Variants in SDK1 observed in about 807,000 individuals in gnomAD.
SDK1 encodes the protein protein sidekick-1.
Under a neutral mutation model 245.5 loss-of-function variants are expected in SDK1, and 157 were observed. That is an observed-to-expected ratio of 0.64 (90% CI 0.56 to 0.73). The LOEUF (loss-of-function observed/expected upper bound fraction) is 0.73, where lower values mean the gene tolerates loss of function less well. Among genes scored for constraint, SDK1 ranks in the 30% least tolerant of loss-of-function variants. SDK1 has a pLI of 0.00. For missense variants in SDK1, 3,583 were observed against 3,002.3 expected, an observed-to-expected ratio of 1.19 and a Z score of -4.52; for synonymous variants, 1,647 against 1,278.5, an observed-to-expected ratio of 1.29 and a Z score of -6.15.
chr7:4,166,927 T>C (rs1304373244), intron 32 of SDK1, among the ~76,000 whole-genome samples: 3 of 152,168 alleles, frequency 2.0e-5, no homozygotes, highest in Non-Finnish European at 4.4e-5. Context: ...TTCAGGCAGC[T>C]GGAAGGAGAG....
At chr7:3,475,314 C>T (rs1012166589) in intron 1 of SDK1, among the ~76,000 whole-genome samples, 3 of 152,100 alleles carry the variant, frequency 2.0e-5, no homozygotes, top group African/African-American at 7.2e-5. Context: ...CTCTGGAGCC[C>T]TCCCCAGCCC....
chr7:4,113,230 C>T (rs552069584), intron 23 of SDK1, 59 bp from the exon 24 acceptor site: 33 of 1,566,476 alleles, frequency 2.1e-5, no homozygotes, highest in African/African-American at 5.4e-5. Context: ...TTTGTGGTTT[C>T]GTTCTTTTCC....
chr7:4,073,660 G>A (rs1190928235), intron 20 of SDK1, among the ~76,000 whole-genome samples: 6 of 152,280 alleles, frequency 3.9e-5, no homozygotes, highest in South Asian at 2.1e-4. Context: ...ATTATTTAGC[G>A]ATTGACCAGG....
intron 1 of SDK1, among the ~76,000 whole-genome samples, chr7:3,512,194 T>C (rs1225206438): frequency 6.6e-6 from 1 of 152,158 alleles, no homozygotes; most frequent in Non-Finnish European, 1.5e-5. Context: ...CAGAATGTCG[T>C]ATCATTGGGA....
At chr7:4,174,489 CAG>C in intron 33 of SDK1, 132 bp downstream of exon 33, 1 of 1,061,690 alleles carries the variant, frequency 9.4e-7, no homozygotes, top group South Asian at 1.5e-5. Flanking sequence ...CCCTCAGGAA[CAG>C]GGAGCAGGCG....
chr7:4,240,076 A>G (rs1177387534), intron 42 of SDK1, among the ~76,000 whole-genome samples: 1 of 152,218 alleles, frequency 6.6e-6, no homozygotes, highest in Admixed American at 6.5e-5. Flanking sequence ...GTGTTCGTAA[A>G]TCAGATTTTA....
rs3801062 is a variant in SDK1 at position 4,268,392 on chromosome 7, C to G, written c.*3008C>G. On this transcript the variant is annotated 3_prime_UTR_variant, in exon 45 of 45. Coordinates refer to ENST00000404826, the MANE Select transcript of SDK1 (RefSeq NM_152744.4). ...CTGCACGGCCACCTTCTGGGTGAATCGGTCCAGCCCAAGCCCCTCTCCCCA... is the reference window on the plus strand; with the variant it reads ...CTGCACGGCCACCTTCTGGGTGAATGGGTCCAGCCCAAGCCCCTCTCCCCA... 2.2e-4 allele frequency: 238 copies of G among 1,070,180 alleles called. 1 individual carries two copies. In the East Asian group the frequency reaches 0.015, roughly 68 times the overall value. 66.3% of individuals were successfully genotyped at this position (1,070,180 alleles called of 1,614,324 possible). A position where few individuals can be genotyped will look rare whatever the true frequency, so the allele number is the denominator to read the frequency against.
At chr7:3,456,286 T>C (rs911020947) in intron 1 of SDK1, among the ~76,000 whole-genome samples, 1 of 152,350 alleles carries the variant, frequency 6.6e-6, no homozygotes, top group South Asian at 2.1e-4. Context: ...TTAGCCATCA[T>C]TTCTTTAAAT....
At chr7:4,090,329 A>G (rs940639785) in intron 22 of SDK1, among the ~76,000 whole-genome samples, 19 of 152,224 alleles carry the variant, frequency 1.2e-4, no homozygotes, top group African/African-American at 4.3e-4. Flanking sequence ...AATTAGGGCA[A>G]TGAGGGCACC....
In SDK1 at chr7:3,347,530, T is replaced by G. The variant is rs1780541958; in HGVS notation, c.298+45646T>G. ...TTGGGCTCAAATGTGCCGTTGAAGG[T>G]GATTTTCTGTTCCTAGATATTTTCA... On this transcript the variant is annotated intron_variant, in intron 1 of 44. Transcript: ENST00000404826. Among the ~76,000 whole-genome samples, 3 of 152,114 alleles carry G rather than the reference T, an allele frequency of 2.0e-5. No homozygotes were observed. In the South Asian group the frequency reaches 6.2e-4, roughly 32 times the overall value.
chr7:3,936,566 C>G (rs1780167190), intron 5 of SDK1, among the ~76,000 whole-genome samples: 1 of 144,378 alleles, frequency 6.9e-6, no homozygotes, highest in Non-Finnish European at 1.5e-5. Flanking sequence ...GCCTGTGTGA[C>G]AGAGCAAGAC....
At position 3,863,979 on chromosome 7, in the gene SDK1, C is replaced by T. The variant is rs180871963; in HGVS notation, c.847+42396C>T. 3.1e-3 allele frequency among the ~76,000 whole-genome samples: 469 copies of T among 152,208 alleles called. 4 individuals are homozygous for T. Among genetic ancestry groups the T allele is most frequent in the African/African-American group, 0.011 (449 of 41,536 alleles). ...GGAATTGCTGGGTTGCATGGTAAGT[C>T]GATGTTTAGCTTTTTGGGGACACAT... On this transcript the variant is annotated intron_variant, in intron 5 of 44. Transcript: ENST00000404826.
chr7:3,385,626 C>G (rs745431173), intron 1 of SDK1, among the ~76,000 whole-genome samples: 9 of 152,112 alleles, frequency 5.9e-5, no homozygotes, highest in Non-Finnish European at 1.2e-4. Context: ...TATTTCAGCT[C>G]TCAGTCAACC....
At chr7:3,558,221 T>C (rs1261708542) in intron 1 of SDK1, among the ~76,000 whole-genome samples, 1 of 152,286 alleles carries the variant, frequency 6.6e-6, no homozygotes, top group African/African-American at 2.4e-5. Context: ...TTGAGCAAAA[T>C]GGGAGATTTC....
Position 4,265,239 on chromosome 7 carries a change from C to T in SDK1, c.6497C>T (p.Ala2166Val), listed in dbSNP as rs758856412. The T allele has an allele frequency of 1.0e-5, 16 of 1,607,390 alleles. No individual in the cohort carries two copies. Among genetic ancestry groups the T allele is most frequent in the East Asian group, 8.9e-5 (4 of 44,818 alleles). The stretch of plus-strand genomic sequence containing the variant: ...CGCAGGGCCCAGGGCCGCGCACCTG[C>T]GCCGCACAGGTACGAGGCGGTGGCG... ...WKRRAQGRAP[A>V]PHRYEAVAGS... The change falls in exon 45 of 45, where the codon GCG becomes GTG. Residue 2166 changes from alanine (A) to valine (V), a missense_variant. Transcript: ENST00000404826.
intron 1 of SDK1, among the ~76,000 whole-genome samples, chr7:3,608,551 C>A (rs1781493177): frequency 6.6e-6 from 1 of 152,086 alleles, no homozygotes; most frequent in African/African-American, 2.4e-5. Context: ...TTGAATATGC[C>A]CACCATGAGC....
intron 32 of SDK1, among the ~76,000 whole-genome samples, chr7:4,169,587 G>T (rs916117798): frequency 3.3e-5 from 5 of 152,202 alleles, no homozygotes; most frequent in African/African-American, 7.2e-5. Flanking sequence ...TCCTCACTCA[G>T]TCTCTGGCAC....
chr7:3,870,969 A>G (rs760290194), intron 5 of SDK1, among the ~76,000 whole-genome samples: 1 of 152,182 alleles, frequency 6.6e-6, no homozygotes, highest in Non-Finnish European at 1.5e-5. Context: ...TTGGTATTGT[A>G]TTAAACTATA....
intron 28 of SDK1, among the ~76,000 whole-genome samples, chr7:4,138,203 T>C (rs1489708883): frequency 6.6e-6 from 1 of 152,112 alleles, no homozygotes; most frequent in Non-Finnish European, 1.5e-5. Context: ...CTGCATACAT[T>C]GTCTCACTGG....
Sources: allele counts gnomAD v4.1 joint callset (sites outside exome capture counted in the v4.1 genomes callset), GRCh38; gene constraint gnomAD v4.1.1; transcripts MANE v1.5; gene names NCBI Gene and HGNC (gene_info 2026-07-23, HGNC 2026-07-21).